The following NEBL variants were observed in gnomAD, a reference collection of about 807,000 sequenced individuals.
The protein encoded by NEBL is LIM and SH3 protein 2.
A neutral mutation model predicts 140.2 loss-of-function variants in NEBL; 122 were observed. That is an observed-to-expected ratio of 0.87 (90% CI 0.75 to 1.01). The LOEUF (loss-of-function observed/expected upper bound fraction) is 1.01. Among genes scored for constraint, NEBL ranks in the 50% least tolerant of loss-of-function variants. The pLI, the probability that NEBL is intolerant of heterozygous loss-of-function variation, is 0.00. For missense variants in NEBL, 1,365 were observed against 1,231.3 expected (o/e 1.11, Z -1.62); for synonymous variants, 436 against 398.9 (o/e 1.09, Z -1.11).
intron 4 of NEBL, among the ~76,000 whole-genome samples, chr10:20,881,381 T>C (rs1045865710): frequency 2.0e-5 from 3 of 152,198 alleles, no homozygotes; most frequent in Non-Finnish European, 4.4e-5. Context: ...AAATATAGCA[T>C]GCAGGCAAAA....
chr10:20,904,403 GTTTTA>G (rs1409012858), intron 4 of NEBL, among the ~76,000 whole-genome samples: 1 of 152,152 alleles, frequency 6.6e-6, no homozygotes, highest in Non-Finnish European at 1.5e-5. Context: ...ACGTGTTTAT[GTTTTA>G]TGAGAGTCAT....
intron 3 of NEBL, among the ~76,000 whole-genome samples, chr10:21,001,325 C>T (rs1272229325): frequency 6.6e-6 from 1 of 152,124 alleles, no homozygotes; most frequent in Non-Finnish European, 1.5e-5. Flanking sequence ...CTGGGACAAG[C>T]TGGGAGCCAC....
In NEBL at chr10:20,938,660, G is replaced by A. The variant is rs560534476; in HGVS notation, c.357+23012C>T. ...TACTCTGAGCTAAAGGAGGAAGTTCGAACCCATGGCAAAGAAGTTAAAAAC... is the reference window on the plus strand; with the variant it reads ...TACTCTGAGCTAAAGGAGGAAGTTCAAACCCATGGCAAAGAAGTTAAAAAC... On this transcript the variant is annotated intron_variant, in intron 4 of 6. Coordinates refer to the NEBL transcript ENST00000417816. Among the ~76,000 whole-genome samples, 61 of 152,158 alleles carry A rather than the reference G, an allele frequency of 4.0e-4. 2 individuals are homozygous for A. The South Asian group carries it at 9.1e-3, about 23-fold the overall frequency.
intron 3 of NEBL, among the ~76,000 whole-genome samples, chr10:20,996,871 T>A (rs1299752186): frequency 6.6e-6 from 1 of 152,224 alleles, no homozygotes; most frequent in South Asian, 2.1e-4. Flanking sequence ...TTTTCTCTGG[T>A]CTTTTTCTCT....
intron 2 of NEBL, among the ~76,000 whole-genome samples, chr10:21,072,265 T>A (rs1355269870): frequency 6.6e-6 from 1 of 152,182 alleles, no homozygotes; most frequent in Non-Finnish European, 1.5e-5. Context: ...CCCTTCTGCA[T>A]CTGTATACCT....
chr10:20,873,071 C>CG (rs1845135538), intron 5 of NEBL, among the ~76,000 whole-genome samples: 1 of 152,116 alleles, frequency 6.6e-6, no homozygotes, highest in South Asian at 2.1e-4. Context: ...GACCCGTTTC[C>CG]TGTAACACTA....
At chr10:20,943,788 C>T (rs1008506782) in intron 4 of NEBL, among the ~76,000 whole-genome samples, 1 of 152,202 alleles carries the variant, frequency 6.6e-6, no homozygotes, top group Non-Finnish European at 1.5e-5. Context: ...TAGGATCCTA[C>T]TTCTCTGTAT....
intron 1 of NEBL, among the ~76,000 whole-genome samples, chr10:21,281,136 C>A (rs1444545606): frequency 6.6e-6 from 1 of 152,180 alleles, no homozygotes; most frequent in African/African-American, 2.4e-5. Flanking sequence ...TGGGATTCAC[C>A]AGACCTGGAG....
chr10:20,812,892 G>C lies in NEBL; in HGVS notation c.2395C>G (p.Pro799Ala), dbSNP rs566320226. 1 of 1,613,990 alleles carries C rather than the reference G, an allele frequency of 6.2e-7. No individual in the cohort carries two copies. The highest frequency in any genetic ancestry group is 1.3e-5 in the African/African-American group (1 of 75,022). ...TCTGTCACAGGATCGTCCACGACGGGAGTAAAGCCTCTCCCCTTTGTTTTT... is the reference window on the plus strand; with the variant it reads ...TCTGTCACAGGATCGTCCACGACGGCAGTAAAGCCTCTCCCCTTTGTTTTT... Reference protein sequence around the residue: ...FEKTKGRGFTPVVDDPVTERV... With the variant: ...FEKTKGRGFTAVVDDPVTERV... Residue 799 changes from proline (P) to alanine (A), a missense_variant, in exon 24 of 28, where the codon CCC (proline) becomes GCC (alanine). Transcript: ENST00000377122.
At chr10:20,795,609 C>T (rs1420352502) in intron 26 of NEBL, among the ~76,000 whole-genome samples, 1 of 151,902 alleles carries the variant, frequency 6.6e-6, no homozygotes, top group Non-Finnish European at 1.5e-5. Context: ...TTCCCATTGC[C>T]AATACCAACC....
rs11012475 is a variant in NEBL at position 21,001,567 on chromosome 10, G to A, written c.249+18550C>T. ...TCAGTAATTAGGAGGTAACTAACAC[G>A]CAATCCACAGGTGAACTTATTGCAG... On this transcript the variant is annotated intron_variant, in intron 3 of 6. Transcript: ENST00000417816. 0.023 allele frequency among the ~76,000 whole-genome samples: 3,424 copies of A among 151,900 alleles called. 494 individuals carry two copies. In the East Asian group the frequency reaches 0.41, roughly 18 times the overall value.
chr10:20,857,601 C>T (rs184913143), intron 9 of NEBL, among the ~76,000 whole-genome samples: 17 of 152,214 alleles, frequency 1.1e-4, no homozygotes, highest in Admixed American at 2.0e-4. Context: ...CGAGAGCTAG[C>T]GAAGTCAGGG....
intron 1 of NEBL, among the ~76,000 whole-genome samples, chr10:21,282,130 T>C (rs141777979): frequency 1.3e-5 from 2 of 152,228 alleles, no homozygotes; most frequent in East Asian, 3.9e-4. Context: ...GCAAGACAGT[T>C]AGCCAAAGAG....
rs576732267 is a variant in NEBL, at chr10:20,998,831, CTTTG to C, written c.249+21282_249+21285del. Among the ~76,000 whole-genome samples, 29 of 152,300 alleles carry C rather than the reference CTTTG, an allele frequency of 1.9e-4. 1 individual carries two copies. The South Asian group carries it at 3.3e-3, about 17-fold the overall frequency. ...CCAATGAAGTCCCTTAATTCGATCACTTTGTTTGTCTATGGACTAACTTCTGTCA... is the reference window on the plus strand; with the variant it reads ...CCAATGAAGTCCCTTAATTCGATCACTTTGTCTATGGACTAACTTCTGTCA... On this transcript the variant is annotated intron_variant, in intron 3 of 6. Coordinates refer to the NEBL transcript ENST00000417816.
intron 4 of NEBL, among the ~76,000 whole-genome samples, chr10:20,956,064 C>G (rs903439305): frequency 6.6e-6 from 1 of 152,096 alleles, no homozygotes; most frequent in African/African-American, 2.4e-5. Flanking sequence ...CTTTAAGTGA[C>G]TGTGGCTGAA....
At chr10:21,123,785 T>G (rs1004334653) in intron 2 of NEBL, among the ~76,000 whole-genome samples, 1 of 150,508 alleles carries the variant, frequency 6.6e-6, no homozygotes, top group South Asian at 2.1e-4. Flanking sequence ...ATATATAATT[T>G]TATATATTAT....
chr10:21,199,580 T>G (rs967016103), intron 3 of NEBL, among the ~76,000 whole-genome samples: 1 of 152,028 alleles, frequency 6.6e-6, no homozygotes, highest in Non-Finnish European at 1.5e-5. Flanking sequence ...AGCTCAAGGG[T>G]GATTCAGAGA....
intron 25 of NEBL, 93 bp from the exon 26 acceptor site, chr10:20,808,752 A>C: frequency 7.5e-7 from 1 of 1,326,370 alleles, no homozygotes; most frequent in Non-Finnish European, 1.1e-6. Context: ...AGAGAAGAAA[A>C]ACCATCTCTT....
intron 2 of NEBL, among the ~76,000 whole-genome samples, chr10:21,099,497 T>TC (rs1343205504): frequency 1.3e-5 from 2 of 152,146 alleles, no homozygotes; most frequent in Non-Finnish European, 2.9e-5. Context: ...AAACATATGT[T>TC]CCCCCAACCA....
Sources: allele counts gnomAD v4.1 joint callset (sites outside exome capture counted in the v4.1 genomes callset), GRCh38; gene constraint gnomAD v4.1.1; transcripts MANE v1.5; gene names NCBI Gene and HGNC (gene_info 2026-07-23, HGNC 2026-07-21).